The following SAMD13 variants were observed in gnomAD, a reference collection of about 807,000 sequenced individuals.
SAMD13 encodes sterile alpha motif domain-containing protein 13.
In SAMD13, 9 loss-of-function variants were observed where a neutral mutation model predicts 12.4. The ratio of observed to expected loss-of-function variants is 0.72; its 90% confidence interval spans 0.44 to 1.26. SAMD13 has a LOEUF of 1.26. Among genes scored for constraint, SAMD13 ranks in the 50% most tolerant of loss-of-function variants. The probability of loss-of-function intolerance (pLI) is 0.00; values close to 1 mark genes in which losing one functional copy is unlikely to be tolerated. For missense variants in SAMD13, 84 were observed against 119.6 expected (o/e 0.70, Z 1.39); for synonymous variants, 46 against 45.4 (o/e 1.01, Z -0.05).
At chr1:84,336,557 A>G (rs1310157723) in intron 3 of SAMD13, among the ~76,000 whole-genome samples, 2 of 152,192 alleles carry the variant, frequency 1.3e-5, no homozygotes, top group South Asian at 2.1e-4. Flanking sequence ...TGAGAAGAGC[A>G]TGATAAAGAC....
chr1:84,323,433 A>G (rs1388713430), intron 2 of SAMD13, among the ~76,000 whole-genome samples: 1 of 152,174 alleles, frequency 6.6e-6, no homozygotes, highest in Non-Finnish European at 1.5e-5. Flanking sequence ...ATGTGTGCAT[A>G]TGGGTATGTG....
intron 3 of SAMD13, chr1:84,344,892 C>T (rs1271718331): frequency 8.8e-6 from 4 of 456,396 alleles, no homozygotes; most frequent in African/African-American, 2.0e-5. Flanking sequence ...CAGAAGGAAC[C>T]GAACCAAAAG....
chr1:84,337,833 C>T (rs753993083), intron 3 of SAMD13, among the ~76,000 whole-genome samples: 15 of 152,144 alleles, frequency 9.9e-5, no homozygotes, highest in Non-Finnish European at 1.6e-4. Flanking sequence ...TTAACAACAC[C>T]CAAATCACCT....
intron 3 of SAMD13, among the ~76,000 whole-genome samples, chr1:84,341,679 G>C (rs1027062969): frequency 6.6e-6 from 1 of 152,144 alleles, no homozygotes; most frequent in African/African-American, 2.4e-5. Context: ...AGAGGAGTCA[G>C]AAAGGGACTG....
intron 2 of SAMD13, among the ~76,000 whole-genome samples, chr1:84,313,290 C>T (rs1163203069): frequency 3.3e-5 from 5 of 152,060 alleles, no homozygotes; most frequent in African/African-American, 1.2e-4. Flanking sequence ...TCATAGTATT[C>T]TCTTTTTTGT....
intron 3 of SAMD13, among the ~76,000 whole-genome samples, chr1:84,330,525 G>C (rs1412460905): frequency 2.0e-5 from 3 of 152,148 alleles, no homozygotes; most frequent in Non-Finnish European, 4.4e-5. Flanking sequence ...GAACATTTAG[G>C]ATAAAGTTTG....
At chr1:84,330,991 G>C (rs1353566066) in intron 3 of SAMD13, among the ~76,000 whole-genome samples, 6 of 152,010 alleles carry the variant, frequency 3.9e-5, no homozygotes, top group Admixed American at 3.3e-4. Context: ...ACTCTGAAAT[G>C]CCCAACTGGT....
intron 2 of SAMD13, among the ~76,000 whole-genome samples, chr1:84,307,783 ATAAGACCCTTTTTTATATTT>A (rs1379365462): frequency 1.3e-5 from 2 of 152,170 alleles, no homozygotes; most frequent in Admixed American, 6.6e-5. Context: ...TTTTACTGTG[ATAAGACCCTTTTTTATATTT>A]TAAGACCCTT....
intron 3 of SAMD13, among the ~76,000 whole-genome samples, chr1:84,347,007 T>C (rs1570267164): frequency 6.6e-6 from 1 of 152,218 alleles, no homozygotes; most frequent in East Asian, 1.9e-4. Context: ...TGTCAGGCAC[T>C]GTGTGCGGTG....
At chr1:84,338,413 T>A (rs1044964031) in intron 3 of SAMD13, among the ~76,000 whole-genome samples, 2 of 147,632 alleles carry the variant, frequency 1.4e-5, no homozygotes, top group Non-Finnish European at 3.0e-5. Flanking sequence ...AGAGAGCTGG[T>A]ACAGGGGAAC....
intron 2 of SAMD13, among the ~76,000 whole-genome samples, chr1:84,322,335 C>T (rs1288703560): frequency 6.6e-6 from 1 of 152,124 alleles, no homozygotes; most frequent in Non-Finnish European, 1.5e-5. Context: ...CAAGCATATC[C>T]GGAATCCAAT....
intron 2 of SAMD13, among the ~76,000 whole-genome samples, chr1:84,307,470 T>A (rs1373387909): frequency 1.3e-5 from 2 of 152,188 alleles, no homozygotes; most frequent in East Asian, 3.9e-4. Context: ...ATGGCCTTAA[T>A]AACTCTCTCA....
intron 2 of SAMD13, among the ~76,000 whole-genome samples, chr1:84,309,267 A>G (rs1438245220): frequency 6.6e-6 from 1 of 152,164 alleles, no homozygotes; most frequent in East Asian, 1.9e-4. Flanking sequence ...ACTCAGTCCC[A>G]TAAACTGGAA....
chr1:84,314,292 A>G (rs1678780950), intron 2 of SAMD13, among the ~76,000 whole-genome samples: 1 of 152,142 alleles, frequency 6.6e-6, no homozygotes, highest in Non-Finnish European at 1.5e-5. Context: ...CTAGAAATGA[A>G]TAAAAAACCT....
intron 2 of SAMD13, among the ~76,000 whole-genome samples, chr1:84,324,990 T>C (rs949238485): frequency 4.6e-5 from 7 of 152,236 alleles, no homozygotes; most frequent in Middle Eastern, 3.4e-3. Flanking sequence ...TTCTCCAACC[T>C]GCATCTCCCA....
At chr1:84,300,615 C>G (rs577655122), upstream of SAMD13, among the ~76,000 whole-genome samples, 2 of 152,118 alleles carry the variant, frequency 1.3e-5, no homozygotes, top group Non-Finnish European at 2.9e-5. Context: ...ACCATCTTGA[C>G]CTAAAAGTGT....
chr1:84,341,873 G>A (rs781744795), intron 3 of SAMD13, among the ~76,000 whole-genome samples: 1 of 152,116 alleles, frequency 6.6e-6, no homozygotes, highest in Admixed American at 6.6e-5. Flanking sequence ...TATTAAAGTA[G>A]ACCAACAGAT....
intron 2 of SAMD13, among the ~76,000 whole-genome samples, chr1:84,318,652 T>A (rs1320837629): frequency 6.6e-6 from 1 of 152,204 alleles, no homozygotes; most frequent in Non-Finnish European, 1.5e-5. Flanking sequence ...TCACTGTTTC[T>A]TTGTTGAATG....
chr1:84,298,705 C>G (rs1400175287), upstream of SAMD13: 3 of 821,050 alleles, frequency 3.7e-6, no homozygotes, highest in African/African-American at 5.3e-5. Context: ...GTGTCCGGTG[C>G]TCCTGCAGCT....
Sources: allele counts gnomAD v4.1 joint callset (sites outside exome capture counted in the v4.1 genomes callset), GRCh38; gene constraint gnomAD v4.1.1; transcripts MANE v1.5; gene names NCBI Gene and HGNC (gene_info 2026-07-23, HGNC 2026-07-21).